The following IL31RA variants were observed in gnomAD, a reference collection of about 807,000 sequenced individuals.
The protein encoded by IL31RA is interleukin 31 receptor A.
IL31RA carries 66 observed loss-of-function variants against 83.7 expected under a neutral mutation model. The ratio of observed to expected loss-of-function variants is 0.79; its 90% confidence interval spans 0.65 to 0.97. The LOEUF is 0.97. Among genes scored for constraint, IL31RA ranks in the 50% least tolerant of loss-of-function variants. The probability of loss-of-function intolerance (pLI) is 0.00; values close to 1 mark genes in which losing one functional copy is unlikely to be tolerated. For synonymous variants in IL31RA, 325 were observed against 329.0 expected (o/e 0.99, Z 0.13); for missense variants, 798 against 919.4 (o/e 0.87, Z 1.71).
intron 2 of IL31RA, among the ~76,000 whole-genome samples, chr5:55,867,302 TGCGTGTG>T (rs1746236689): frequency 1.0e-5 from 1 of 96,324 alleles, no homozygotes; most frequent in African/African-American, 6.2e-5. Context: ...TGTGTGTGTG[TGCGTGTG>T]TGTGTGTGCG....
At chr5:55,902,572 G>A (rs774405026) in intron 8 of IL31RA, 25 of 152,282 alleles carry the variant, frequency 1.6e-4, no homozygotes, top group Non-Finnish European at 3.1e-4. Flanking sequence ...AAGAGGTTGA[G>A]GCTGCAGTGA....
At chr5:55,878,759 T>G (rs931432989) in intron 4 of IL31RA, among the ~76,000 whole-genome samples, 4 of 152,062 alleles carry the variant, frequency 2.6e-5, no homozygotes, top group African/African-American at 4.8e-5. Flanking sequence ...TCTCAAGCCA[T>G]TCTCCCACCT....
chr5:55,861,472 T>C (rs554326775), intron 2 of IL31RA, among the ~76,000 whole-genome samples: 4 of 152,100 alleles, frequency 2.6e-5, no homozygotes, highest in Non-Finnish European at 5.9e-5. Context: ...TATTAATAGG[T>C]TGTGTGCTCC....
At chr5:55,861,355 TG>T (rs1432778761) in intron 2 of IL31RA, among the ~76,000 whole-genome samples, 1 of 152,190 alleles carries the variant, frequency 6.6e-6, no homozygotes, top group Non-Finnish European at 1.5e-5. Context: ...GATGAGCTGC[TG>T]GTGAGCCAGA....
chr5:55,875,517 G>T (rs773631613), intron 4 of IL31RA, among the ~76,000 whole-genome samples: 1 of 151,934 alleles, frequency 6.6e-6, no homozygotes, highest in Admixed American at 6.6e-5. Flanking sequence ...TTTTGACTTG[G>T]TTTCTTTATA....
chr5:55,846,260 C>A, the IL31RA span, among the ~76,000 whole-genome samples: 1 of 152,174 alleles, frequency 6.6e-6, no homozygotes, highest in African/African-American at 2.4e-5. Context: ...CAGATTTATG[C>A]CATTTAAGCT....
chr5:55,845,993 C>T, the IL31RA span, among the ~76,000 whole-genome samples: 2 of 152,156 alleles, frequency 1.3e-5, no homozygotes, highest in Non-Finnish European at 2.9e-5. Context: ...GACTCGGGCT[C>T]CCTGGAGTTT....
Position 55,922,455 on chromosome 5 carries a change from G to A in IL31RA, c.*5335G>A. Reference sequence around the variant, plus strand: ...TAAGTGTGGACTAAAATGCGAGAAAGGTGTCCTGTGGTCTATGCAAATTAG... The same window carrying A: ...TAAGTGTGGACTAAAATGCGAGAAAAGTGTCCTGTGGTCTATGCAAATTAG... On this transcript the variant is annotated 3_prime_UTR_variant, in exon 15 of 15. Transcript: ENST00000652347. 1 of 1,543,406 alleles carries A rather than the reference G, an allele frequency of 6.5e-7. No individual in the cohort carries two copies.
chr5:55,873,154 TATA>T (rs1452498825), intron 4 of IL31RA, among the ~76,000 whole-genome samples: 2 of 152,308 alleles, frequency 1.3e-5, no homozygotes, highest in Non-Finnish European at 2.9e-5. Context: ...TTTATAAAAA[TATA>T]ATATGTGGTC....
At chr5:55,850,808 C>T (rs1745035002), upstream of IL31RA, among the ~76,000 whole-genome samples, 1 of 152,200 alleles carries the variant, frequency 6.6e-6, no homozygotes, top group African/African-American at 2.4e-5. Context: ...TTAGAAAATA[C>T]TGCTGAGCGT....
intron 8 of IL31RA, among the ~76,000 whole-genome samples, chr5:55,902,890 G>T (rs1339774095): frequency 2.0e-5 from 3 of 152,176 alleles, no homozygotes; most frequent in African/African-American, 7.2e-5. Context: ...ACGGCAAAGG[G>T]ATTCAGGCAA....
At chr5:55,888,907 A>G (rs1002936991) in intron 5 of IL31RA, among the ~76,000 whole-genome samples, 1 of 152,186 alleles carries the variant, frequency 6.6e-6, no homozygotes, top group Non-Finnish European at 1.5e-5. Flanking sequence ...CCTTCTGCCC[A>G]ATTTCCTTAA....
At chr5:55,849,584 A>G (rs892823472), upstream of IL31RA, among the ~76,000 whole-genome samples, 2 of 152,200 alleles carry the variant, frequency 1.3e-5, no homozygotes, top group Non-Finnish European at 1.5e-5. Context: ...CCGATTACTC[A>G]TCCTTCTCCA....
intron 7 of IL31RA, among the ~76,000 whole-genome samples, chr5:55,898,526 GA>G (rs1748576885): frequency 6.6e-6 from 1 of 150,716 alleles, no homozygotes; most frequent in Non-Finnish European, 1.5e-5. Flanking sequence ...ATTTTAAAAA[GA>G]ATGTTATTTA....
chr5:55,879,253 C>T (rs1747039546), intron 4 of IL31RA, among the ~76,000 whole-genome samples: 1 of 151,868 alleles, frequency 6.6e-6, no homozygotes, highest in Non-Finnish European at 1.5e-5. Context: ...TTCTTCAAAC[C>T]AAGACCACTG....
At position 55,872,405 on chromosome 5, in the gene IL31RA, T is replaced by C. The variant is rs1179229490; in HGVS notation, c.408T>C (p.Asp136=). 3.1e-6 allele frequency: 5 copies of C among 1,610,922 alleles called. No individual in the cohort carries two copies. Among genetic ancestry groups the C allele is most frequent in the Non-Finnish European group, 4.2e-6 (5 of 1,177,274 alleles). Residue 136 remains aspartate, a synonymous_variant, in exon 4 of 15, where the codon GAT becomes GAC. Transcript: ENST00000652347. ...TTGAGGTGGAAGCTGAAAATGGAGA[T>C]GGTGTAATTAAATCTCATATGACAT... ...YTIEVEAENG[D]GVIKSHMTYW...
Position 55,917,295 on chromosome 5 carries a change from C to T in IL31RA, c.*175C>T. ...TGGTCGGCAAAGATGCGACCTTGTA[C>T]TGGGAAGAAGGGATGGTGATAAGCC... On this transcript the variant is annotated 3_prime_UTR_variant, in exon 15 of 15. Coordinates refer to ENST00000652347, the MANE Select transcript of IL31RA (RefSeq NM_139017.7). 6.6e-7 allele frequency: 1 copy of T among 1,514,720 alleles called. No homozygotes were observed. The highest frequency in any genetic ancestry group is 8.8e-7 in the Non-Finnish European group (1 of 1,138,094). 93.8% of individuals were successfully genotyped at this position (1,514,720 alleles called of 1,614,324 possible). A position where few individuals can be genotyped will look rare whatever the true frequency, so the allele number is the denominator to read the frequency against.
chr5:55,896,396 G>A lies in IL31RA; in HGVS notation c.819G>A (p.Ala273=), dbSNP rs141877896. 339 of 1,613,692 alleles carry A rather than the reference G, an allele frequency of 2.1e-4. No individual in the cohort carries two copies. The highest frequency in any genetic ancestry group is 3.3e-4 in the Middle Eastern group (2 of 6,062). ...ELWRVLKPAE[A]DGRRPVRLLW... is the part of the protein sequence containing the mutation. ...GGAGAGTCCTGAAACCAGCTGAGGCGGATGGAAGAAGGCCAGTGCGGTTGT... is the reference window on the plus strand; with the variant it reads ...GGAGAGTCCTGAAACCAGCTGAGGCAGATGGAAGAAGGCCAGTGCGGTTGT... Residue 273 remains alanine, a synonymous_variant, in exon 7 of 15, where the codon GCG becomes GCA. Transcript: ENST00000652347.
At chr5:55,886,268 C>CTTGCTCTTTTTTTTTTTTTTTTTTTT (rs1235138364) in intron 5 of IL31RA, among the ~76,000 whole-genome samples, 5 of 71,510 alleles carry the variant, frequency 7.0e-5, no homozygotes, top group African/African-American at 3.6e-4. Context: ...TGCTTGCTTG[C>CTTGCTCTTTTTTTTTTTTTTTTTTTT]TTTTTTTTTT....
Sources: gnomAD v4.1 joint callset for allele counts (sites outside exome capture counted in the v4.1 genomes callset) on GRCh38, gnomAD v4.1.1 for gene constraint, MANE v1.5 for transcripts, NCBI Gene and HGNC (gene_info 2026-07-23, HGNC 2026-07-21) for gene names.